Variants in THSD7B observed in about 807,000 individuals in gnomAD.
THSD7B encodes thrombospondin type 1 domain containing 7B.
Under a neutral mutation model 213.6 loss-of-function variants are expected in THSD7B, and 138 were observed. The observed-to-expected ratio is 0.65, with a 90% CI of 0.56 to 0.74. THSD7B has a LOEUF of 0.74. Among genes scored for constraint, THSD7B ranks in the 30% least tolerant of loss-of-function variants. The pLI is 0.00. For missense variants in THSD7B, 1,931 were observed against 1,991.5 expected, an observed-to-expected ratio of 0.97 and a Z score of 0.58; for synonymous variants, 742 against 687.0, an observed-to-expected ratio of 1.08 and a Z score of -1.25.
intron 15 of THSD7B, among the ~76,000 whole-genome samples, chr2:137,502,850 T>C (rs1679741598): frequency 6.6e-6 from 1 of 152,192 alleles, no homozygotes; most frequent in African/African-American, 2.4e-5. Flanking sequence ...TTGATGAATT[T>C]ATAATATTCT....
chr2:136,951,768 G>C (rs1685041884), intron 2 of THSD7B, among the ~76,000 whole-genome samples: 1 of 152,214 alleles, frequency 6.6e-6, no homozygotes, highest in Non-Finnish European at 1.5e-5. Flanking sequence ...TGGAAGAAAA[G>C]AACTGTCAAA....
intron 2 of THSD7B, among the ~76,000 whole-genome samples, chr2:136,883,415 A>G (rs1219748649): frequency 1.3e-5 from 2 of 151,554 alleles, no homozygotes; most frequent in Non-Finnish European, 2.9e-5. Flanking sequence ...CTATAAATTA[A>G]TTTAACTGTG....
chr2:137,654,813 G>A (rs1683205139), intron 21 of THSD7B, among the ~76,000 whole-genome samples: 1 of 152,164 alleles, frequency 6.6e-6, no homozygotes, highest in South Asian at 2.1e-4. Flanking sequence ...ACATTTTGGA[G>A]CTGAAGTCTT....
rs1347940007 is a variant in THSD7B, at chr2:136,773,560, G to A, written c.-36+7873G>A. On this transcript the variant is annotated intron_variant, in intron 1 of 27. Transcript: ENST00000409968. ...TGTAGTGATTATGAAAGTTATTAAT[G>A]TGATGCTTTAGATCTTCGCTGTATT... Among the ~76,000 whole-genome samples, 4 of 152,062 alleles carry A rather than the reference G, an allele frequency of 2.6e-5. No homozygotes were observed. In the East Asian group the frequency reaches 7.7e-4, roughly 29 times the overall value.
At chr2:137,246,854 T>C (rs7600653) in intron 10 of THSD7B, among the ~76,000 whole-genome samples, 416 of 152,274 alleles carry the variant, frequency 2.7e-3, no homozygotes, top group African/African-American at 9.4e-3. Flanking sequence ...TAGTTAATAA[T>C]AGCAACAGCT....
At chr2:137,404,528 A>C (rs181565749) in intron 12 of THSD7B, among the ~76,000 whole-genome samples, 41 of 134,424 alleles carry the variant, frequency 3.1e-4, no homozygotes, top group African/African-American at 1.0e-3. Flanking sequence ...TACACACACA[A>C]TATATATATA....
chr2:136,937,333 G>A (rs148322763), intron 2 of THSD7B, among the ~76,000 whole-genome samples: 123 of 151,604 alleles, frequency 8.1e-4, no homozygotes, highest in Non-Finnish European at 1.1e-3. Context: ...CTGCTCCCCC[G>A]CCACCCGCTG....
intron 5 of THSD7B, among the ~76,000 whole-genome samples, chr2:137,138,943 A>T (rs1679526095): frequency 6.6e-6 from 1 of 151,964 alleles, no homozygotes; most frequent in Non-Finnish European, 1.5e-5. Flanking sequence ...TTCTAGTTTC[A>T]TTCTATAAGG....
chr2:137,087,651 T>C (rs34681602), intron 3 of THSD7B, among the ~76,000 whole-genome samples: 14,688 of 152,086 alleles, frequency 0.097, 957 homozygotes, highest in African/African-American at 0.19. Flanking sequence ...AAATCATAGA[T>C]GACACAAACA....
chr2:136,868,954 A>C (rs1301360861), intron 1 of THSD7B, among the ~76,000 whole-genome samples: 3 of 152,194 alleles, frequency 2.0e-5, no homozygotes, highest in African/African-American at 7.2e-5. Flanking sequence ...TAAGGTTTTC[A>C]AATGGAACGT....
intron 2 of THSD7B, among the ~76,000 whole-genome samples, chr2:136,945,101 C>T (rs1379143247): frequency 1.3e-5 from 2 of 152,172 alleles, no homozygotes; most frequent in African/African-American, 4.8e-5. Flanking sequence ...CAAAATCTCT[C>T]AGCATTTGCT....
At chr2:137,131,494 A>G (rs982886844) in intron 5 of THSD7B, among the ~76,000 whole-genome samples, 3 of 152,150 alleles carry the variant, frequency 2.0e-5, no homozygotes, top group African/African-American at 7.2e-5. Flanking sequence ...GTTTTCTTCT[A>G]GGGTTTTAAT....
At chr2:137,397,032 T>C (rs1279533748) in intron 12 of THSD7B, among the ~76,000 whole-genome samples, 1 of 142,876 alleles carries the variant, frequency 7.0e-6, no homozygotes, top group African/African-American at 2.6e-5. Context: ...TCTTCCTCCA[T>C]CCTTTTATTT....
intron 12 of THSD7B, among the ~76,000 whole-genome samples, chr2:137,276,274 A>G (rs1682869569): frequency 6.9e-6 from 1 of 144,600 alleles, no homozygotes; most frequent in African/African-American, 2.6e-5. Context: ...TCTCGGTCAT[A>G]GTGTAGCCCA....
intron 2 of THSD7B, among the ~76,000 whole-genome samples, chr2:136,963,601 A>T (rs1685261785): frequency 6.6e-6 from 1 of 152,210 alleles, no homozygotes; most frequent in Non-Finnish European, 1.5e-5. Flanking sequence ...CCATGATTGC[A>T]CCACTGTGCT....
intron 15 of THSD7B, among the ~76,000 whole-genome samples, chr2:137,454,416 GTCTGTCTGTCTATCTA>G (rs1379236287): frequency 1.6e-5 from 2 of 125,686 alleles, no homozygotes; most frequent in African/African-American, 6.1e-5. Context: ...CTGTCTGTCT[GTCTGTCTGTCTATCTA>G]TCTATCTATC....
At chr2:136,883,348 A>AAAG (rs1288791779) in intron 2 of THSD7B, among the ~76,000 whole-genome samples, 3 of 151,626 alleles carry the variant, frequency 2.0e-5, no homozygotes, top group Non-Finnish European at 2.9e-5. Context: ...AAGTAAAAAA[A>AAAG]AAACACAGCC....
chr2:137,185,246 C>A (rs970605831), intron 7 of THSD7B, among the ~76,000 whole-genome samples: 4 of 146,076 alleles, frequency 2.7e-5, no homozygotes, highest in African/African-American at 1.0e-4. Context: ...TCTCTAGTGC[C>A]TTTTTTTTTT....
chr2:137,106,633 T>G (rs1688257323), intron 4 of THSD7B, among the ~76,000 whole-genome samples: 1 of 152,136 alleles, frequency 6.6e-6, no homozygotes, highest in Admixed American at 6.6e-5. Flanking sequence ...AGAAAATTTT[T>G]CTATCTATCC....
Sources: gnomAD v4.1 joint callset for allele counts (sites outside exome capture counted in the v4.1 genomes callset) on GRCh38, gnomAD v4.1.1 for gene constraint, MANE v1.5 for transcripts, NCBI Gene and HGNC (gene_info 2026-07-23, HGNC 2026-07-21) for gene names.